Variants in POPDC3 observed in about 807,000 individuals in gnomAD.
The protein encoded by POPDC3 is popeye domain-containing protein 3.
A neutral mutation model predicts 28.2 loss-of-function variants in POPDC3; 20 were observed. The ratio of observed to expected loss-of-function variants is 0.71; its 90% confidence interval spans 0.50 to 1.03. The LOEUF (loss-of-function observed/expected upper bound fraction) is 1.03. Ranked by LOEUF, POPDC3 falls within the 50% of genes least tolerant of loss-of-function variation. The pLI, the probability that POPDC3 is intolerant of heterozygous loss-of-function variation, is 0.00. For synonymous variants in POPDC3, 118 were observed against 124.1 expected (o/e 0.95, Z 0.33); for missense variants, 316 against 345.9 (o/e 0.91, Z 0.69).
intron 1 of POPDC3, among the ~76,000 whole-genome samples, chr6:105,174,330 C>T (rs1316758317): frequency 2.0e-5 from 3 of 152,178 alleles, no homozygotes; most frequent in South Asian, 2.1e-4. Context: ...TGAGCCACTG[C>T]GCCCAGCCAG....
Position 105,172,434 on chromosome 6 carries a change from GGTGGGACT to G in POPDC3, c.-252+7391_-252+7398del, listed in dbSNP as rs1406493661. Among the ~76,000 whole-genome samples, 7 of 151,210 alleles carry G rather than the reference GGTGGGACT, an allele frequency of 4.6e-5. No homozygotes were observed. The East Asian group carries it at 1.2e-3, about 25-fold the overall frequency. On this transcript the variant is annotated intron_variant, in intron 1 of 3. Transcript: ENST00000254765. ...GAAATAGGAACACTTTTACACTGTT[GGTGGGACT>G]GTAAACTAGTTCAACCATTGTGGAA...
At position 105,162,227 on chromosome 6, in the gene POPDC3, T is replaced by C. The variant is rs748802493; in HGVS notation, c.-251-67A>G. 449 of 946,644 alleles carry C rather than the reference T, an allele frequency of 4.7e-4. 1 individual carries two copies. The highest frequency in any genetic ancestry group is 9.1e-4 in the Middle Eastern group (2 of 2,190). The allele number at this position is 946,644 out of a possible 1,614,324, so 58.6% of individuals were successfully genotyped here. Reference sequence around the variant, plus strand: ...AAGGAGAATTGTGGGGTATATTTAATGATCAGCAGCATTACTTAGCAAGCT... The same window carrying C: ...AAGGAGAATTGTGGGGTATATTTAACGATCAGCAGCATTACTTAGCAAGCT... On this transcript the variant is annotated intron_variant, in intron 1 of 3. Coordinates refer to ENST00000254765, the MANE Select transcript of POPDC3 (RefSeq NM_022361.5).
In POPDC3 at chr6:105,179,853, C is replaced by T. The variant is rs1270505377; in HGVS notation, c.-272G>A. 1 of 152,118 alleles carries T rather than the reference C, an allele frequency of 6.6e-6. No homozygotes were observed. Among genetic ancestry groups the T allele is most frequent in the South Asian group, 2.1e-4 (1 of 4,834 alleles). 9.4% of individuals were successfully genotyped at this position (152,118 alleles called of 1,614,324 possible). On this transcript the variant is annotated 5_prime_UTR_variant, in exon 1 of 4. Coordinates refer to ENST00000254765, the MANE Select transcript of POPDC3 (RefSeq NM_022361.5). ...CTTACCTTTCCTTCCCAGCCCTGCC[C>T]GGAGCTTCAGCCCGGCGCCCGCAGA...
At chr6:105,178,938 A>C (rs1404309843) in intron 1 of POPDC3, 1 of 985,280 alleles carries the variant, frequency 1.0e-6, no homozygotes, top group Non-Finnish European at 1.2e-6. Flanking sequence ...ATATCTAACT[A>C]CCGGAATTAG....
chr6:105,179,290 G>A (rs1774737781), intron 1 of POPDC3: 8 of 979,928 alleles, frequency 8.2e-6, no homozygotes, highest in Non-Finnish European at 9.7e-6. Context: ...AACTCTGTGA[G>A]AACAGTGTGA....
At chr6:105,178,870 A>G in intron 1 of POPDC3, 10 of 985,438 alleles carry the variant, frequency 1.0e-5, no homozygotes, top group Non-Finnish European at 1.2e-5. Flanking sequence ...ACAGGCAACA[A>G]TAATTTTTTA....
chr6:105,177,193 C>T (rs889267726), intron 1 of POPDC3: 4 of 153,182 alleles, frequency 2.6e-5, no homozygotes, highest in African/African-American at 9.6e-5. Context: ...CAGGACCAGT[C>T]GCTGCCCATC....
intron 2 of POPDC3, 92 bp from the exon 3 acceptor site, chr6:105,159,911 T>G: frequency 1.2e-6 from 1 of 805,364 alleles, no homozygotes; most frequent in Non-Finnish European, 2.1e-6. Flanking sequence ...GTATTTCAGA[T>G]CCCTGATGAC....
Position 105,158,433 on chromosome 6 carries a change from A to G in POPDC3, c.*37T>C, listed in dbSNP as rs766174156. The G allele has an allele frequency of 2.0e-6, 3 of 1,512,178 alleles. No homozygotes were observed. Among genetic ancestry groups the G allele is most frequent in the African/African-American group, 2.8e-5 (2 of 71,804 alleles). 93.7% of individuals were successfully genotyped at this position (1,512,178 alleles called of 1,614,324 possible). On this transcript the variant is annotated 3_prime_UTR_variant, in exon 4 of 4. Transcript: ENST00000254765. ...TTTCACTGGGGAATGATGAAGAGAGAGTCTTTTTTTATACTTATAAATTTC... is the reference window on the plus strand; with the variant it reads ...TTTCACTGGGGAATGATGAAGAGAGGGTCTTTTTTTATACTTATAAATTTC...
At chr6:105,179,238 A>T in intron 1 of POPDC3, 3 of 985,398 alleles carry the variant, frequency 3.0e-6, no homozygotes, top group African/African-American at 1.7e-5. Flanking sequence ...TGGAGAAAAC[A>T]GGTCCGCGCG....
chr6:105,172,853 G>A (rs1358291523), intron 1 of POPDC3, among the ~76,000 whole-genome samples: 3 of 136,682 alleles, frequency 2.2e-5, no homozygotes, highest in Non-Finnish European at 3.1e-5. Context: ...ACGTGGACAC[G>A]GGAAGGGGAA....
At chr6:105,178,780 T>C (rs1583000376) in intron 1 of POPDC3, 6 of 984,986 alleles carry the variant, frequency 6.1e-6, no homozygotes, top group Non-Finnish European at 7.2e-6. Context: ...TATTGTACTC[T>C]CACAAGAGGA....
chr6:105,162,255 C>T (rs1182312760), intron 1 of POPDC3, 95 bp from the exon 2 acceptor site: 2 of 613,684 alleles, frequency 3.3e-6, no homozygotes, highest in East Asian at 9.2e-5. Context: ...AGCAAGCTGA[C>T]CTCCCATTTT....
chr6:105,159,960 TCATACATTATA>T, intron 2 of POPDC3, 141 bp from the exon 3 acceptor site: 2 of 572,622 alleles, frequency 3.5e-6, no homozygotes, highest in Non-Finnish European at 6.4e-6. Context: ...AATATTAAAT[TCATACATTATA>T]ATAAGTGACA....
Position 105,161,651 on chromosome 6 carries a change from T to C in POPDC3, c.259A>G (p.Ile87Val). The C allele has an allele frequency of 1.9e-6, 3 of 1,614,196 alleles. No individual in the cohort carries two copies. The highest frequency in any genetic ancestry group is 1.3e-5 in the African/African-American group (1 of 75,038). ...ATATGAACAAATTGCATGAAGCAGA[T>C]GACAAACAGTACAAAATTCCAGGAA... is the stretch of plus-strand genomic sequence containing the variant. ...IFSWNFVLFV[I>V]CFMQFVHIAY... Residue 87 changes from isoleucine to valine, a missense_variant, in exon 2 of 4, where the codon ATC (isoleucine) becomes GTC (valine). Transcript: ENST00000254765.
chr6:105,166,864 ATGGTTG>A (rs886813715), intron 1 of POPDC3, among the ~76,000 whole-genome samples: 2 of 79,986 alleles, frequency 2.5e-5, no homozygotes, highest in Non-Finnish European at 5.7e-5. Context: ...ATGAACATAG[ATGGTTG>A]TGTGTGTGTG....
intron 1 of POPDC3, among the ~76,000 whole-genome samples, chr6:105,168,257 TTA>T (rs1385627829): frequency 6.6e-6 from 1 of 152,176 alleles, no homozygotes; most frequent in Non-Finnish European, 1.5e-5. Context: ...TCCCAAACAA[TTA>T]TATTACATGG....
Position 105,159,863 on chromosome 6 carries a change from G to C in POPDC3, c.486-44C>G, listed in dbSNP as rs758167019. The C allele has an allele frequency of 7.3e-6, 10 of 1,371,154 alleles. No individual in the cohort carries two copies. The Admixed American group carries it at 1.0e-4, about 14-fold the overall frequency. The allele number at this position is 1,371,154 out of a possible 1,614,324, so 84.9% of individuals were successfully genotyped here. The stretch of plus-strand genomic sequence containing the variant: ...AACATTTATAAGGGAAGGAGAAAGA[G>C]AGCACATAATTGGGGAGGGGTGGGG... On this transcript the variant is annotated intron_variant, in intron 2 of 3. Transcript: ENST00000254765.
intron 1 of POPDC3, among the ~76,000 whole-genome samples, chr6:105,176,642 C>T (rs1477639483): frequency 1.3e-5 from 2 of 152,130 alleles, no homozygotes; most frequent in African/African-American, 2.4e-5. Context: ...CTGCAAGCTC[C>T]GCCTCCCAGG....
Sources: gnomAD v4.1 joint callset for allele counts (sites outside exome capture counted in the v4.1 genomes callset) on GRCh38, gnomAD v4.1.1 for gene constraint, MANE v1.5 for transcripts, NCBI Gene and HGNC (gene_info 2026-07-23, HGNC 2026-07-21) for gene names.